CCDC171: variants seen among roughly 807,000 people sequenced by gnomAD.
CCDC171 encodes the protein coiled-coil domain containing 171.
Under a neutral mutation model 168.2 loss-of-function variants are expected in CCDC171, and 177 were observed. The observed-to-expected ratio is 1.05, with a 90% CI of 0.93 to 1.19. The LOEUF (loss-of-function observed/expected upper bound fraction) is 1.19, where lower values mean the gene tolerates loss of function less well. Among genes scored for constraint, CCDC171 ranks in the 50% most tolerant of loss-of-function variants. The pLI is 0.00. For synonymous variants in CCDC171, 687 were observed against 540.8 expected (o/e 1.27, Z -3.75); for missense variants, 1,991 against 1,539.0 (o/e 1.29, Z -4.91).
intron 21 of CCDC171, among the ~76,000 whole-genome samples, chr9:15,789,843 C>T (rs896449972): frequency 5.3e-5 from 8 of 149,636 alleles, no homozygotes; most frequent in Admixed American, 4.7e-4. Flanking sequence ...CGAATGAGAA[C>T]ATGCGGTGTT....
chr9:16,068,098 C>G, the CCDC171 span, among the ~76,000 whole-genome samples: 1 of 149,130 alleles, frequency 6.7e-6, no homozygotes, highest in South Asian at 2.2e-4. Flanking sequence ...TGATAAGCAA[C>G]TTCAGCAAAG....
In CCDC171 at chr9:15,876,924, C is replaced by T. The variant is rs939922779; in HGVS notation, c.3600+2261C>T. 2.0e-5 allele frequency among the ~76,000 whole-genome samples: 3 copies of T among 152,014 alleles called. No individual in the cohort carries two copies. The South Asian group carries it at 6.2e-4, about 32-fold the overall frequency. The stretch of plus-strand genomic sequence containing the variant: ...GGTGTGGTGGTATATGAACCATTTG[C>T]CCAACTTACTCAGCTGTCATTTACA... On this transcript the variant is annotated intron_variant, in intron 24 of 25. Transcript: ENST00000380701.
At chr9:15,969,723 C>T (rs1831157601) in intron 25 of CCDC171, among the ~76,000 whole-genome samples, 1 of 152,188 alleles carries the variant, frequency 6.6e-6, no homozygotes, top group South Asian at 2.1e-4. Context: ...CCACCATTTC[C>T]TGCTCTTCCA....
At chr9:16,100,319 C>G in the CCDC171 span, among the ~76,000 whole-genome samples, 1 of 152,158 alleles carries the variant, frequency 6.6e-6, no homozygotes, top group East Asian at 1.9e-4. Context: ...TTGATTTCAT[C>G]CGAGTAAAAA....
In CCDC171 at chr9:15,821,485, A is replaced by G. The variant is rs2059768048; in HGVS notation, c.3268-25217A>G. Among the ~76,000 whole-genome samples, 2 of 117,986 alleles carry G rather than the reference A, an allele frequency of 1.7e-5. 1 individual carries two copies. Among genetic ancestry groups the G allele is most frequent in the African/African-American group, 6.4e-5 (2 of 31,392 alleles). 77.4% of individuals were successfully genotyped at this position (117,986 alleles called of 152,430 possible). On this transcript the variant is annotated intron_variant, in intron 21 of 25. Transcript: ENST00000380701. ...CCTTGAGCTGATAAGCAACTTCAGC[A>G]AAGTCTCAGGATACAAAATCAATGT... is the stretch of plus-strand genomic sequence containing the variant.
intron 25 of CCDC171, among the ~76,000 whole-genome samples, chr9:15,926,062 C>A (rs1266985228): frequency 7.6e-6 from 1 of 131,082 alleles, no homozygotes; most frequent in East Asian, 3.2e-4. Context: ...CAAAAATAGG[C>A]ATATAAAAAA....
chr9:15,619,534 G>A (rs1487680173), intron 6 of CCDC171, among the ~76,000 whole-genome samples: 1 of 152,202 alleles, frequency 6.6e-6, no homozygotes, highest in Non-Finnish European at 1.5e-5. Flanking sequence ...TGAGAGAGGT[G>A]AGGAATTTGG....
At chr9:15,639,903 T>C (rs1048098616) in intron 7 of CCDC171, among the ~76,000 whole-genome samples, 16 of 152,178 alleles carry the variant, frequency 1.1e-4, no homozygotes, top group Non-Finnish European at 2.2e-4. Context: ...GAATATCCTT[T>C]AGCGACAAAT....
chr9:15,723,513 C>A, intron 12 of CCDC171, 168 bp from the exon 13 acceptor site: 1 of 563,500 alleles, frequency 1.8e-6, no homozygotes, highest in South Asian at 2.4e-5. Context: ...AGCATTTAAC[C>A]AAAAGAAATA....
chr9:15,804,157 A>G (rs2058964265), intron 21 of CCDC171, among the ~76,000 whole-genome samples: 1 of 152,126 alleles, frequency 6.6e-6, no homozygotes. Context: ...TTCTAGGTAT[A>G]GAATTATGTC....
At chr9:15,632,789 A>T (rs544908807) in intron 7 of CCDC171, among the ~76,000 whole-genome samples, 1 of 152,260 alleles carries the variant, frequency 6.6e-6, no homozygotes, top group Admixed American at 6.5e-5. Flanking sequence ...AGGCTACAGT[A>T]ACCAAAACAG....
intron 21 of CCDC171, among the ~76,000 whole-genome samples, chr9:15,789,241 A>T (rs1394326902): frequency 6.6e-6 from 1 of 152,120 alleles, no homozygotes; most frequent in Non-Finnish European, 1.5e-5. Flanking sequence ...CAGATTTGGG[A>T]TGCTCAACCA....
rs1350040785 is a variant in CCDC171 at position 15,821,460 on chromosome 9, C to T, written c.3268-25242C>T. Reference sequence around the variant, plus strand: ...ACCCCATCGTCTCAGCCCAAAATCTCCTTGAGCTGATAAGCAACTTCAGCA... The same window carrying T: ...ACCCCATCGTCTCAGCCCAAAATCTTCTTGAGCTGATAAGCAACTTCAGCA... On this transcript the variant is annotated intron_variant, in intron 21 of 25. Coordinates refer to ENST00000380701, the MANE Select transcript of CCDC171 (RefSeq NM_173550.4). Among the ~76,000 whole-genome samples, 146 of 117,388 alleles carry T rather than the reference C, an allele frequency of 1.2e-3. 47 individuals are homozygous for T. Among genetic ancestry groups the T allele is most frequent in the African/African-American group, 4.2e-3 (133 of 31,312 alleles). 77.0% of individuals were successfully genotyped at this position (117,388 alleles called of 152,430 possible).
At chr9:15,812,451 A>C (rs2059396881) in intron 21 of CCDC171, among the ~76,000 whole-genome samples, 1 of 152,082 alleles carries the variant, frequency 6.6e-6, no homozygotes, top group South Asian at 2.1e-4. Flanking sequence ...TGTGCTAAAA[A>C]CCCCACAAGT....
intron 6 of CCDC171, among the ~76,000 whole-genome samples, chr9:15,598,126 G>A (rs1336206408): frequency 6.6e-6 from 1 of 151,910 alleles, no homozygotes; most frequent in East Asian, 1.9e-4. Context: ...TTTTTTGAAG[G>A]GTTTTTTGTG....
chr9:16,065,614 G>A (rs75998486), downstream of CCDC171, among the ~76,000 whole-genome samples: 3,501 of 152,304 alleles, frequency 0.023, 130 homozygotes, highest in African/African-American at 0.072. Context: ...GTTTGAGGCA[G>A]AGGATTAGAC....
At chr9:15,564,719 A>G (rs1303009368) in intron 2 of CCDC171, among the ~76,000 whole-genome samples, 1 of 152,230 alleles carries the variant, frequency 6.6e-6, no homozygotes, top group Admixed American at 6.5e-5. Flanking sequence ...ACTGGACCAC[A>G]TAGGGCAGTG....
Position 15,793,998 on chromosome 9 carries a change from G to C in CCDC171, c.3267+9304G>C, listed in dbSNP as rs185076654. On this transcript the variant is annotated intron_variant, in intron 21 of 25. Transcript: ENST00000380701. ...AGGTTTTTTTTTCTCCTGCTTTACT[G>C]TACTGGCTAGGATACAGTGTTGGGT... Among the ~76,000 whole-genome samples the C allele has an allele frequency of 1.8e-3, 250 of 139,186 alleles. 1 individual carries two copies. Among genetic ancestry groups the C allele is most frequent in the African/African-American group, 5.8e-3 (213 of 36,906 alleles). The allele number at this position is 139,186 out of a possible 152,430, so 91.3% of individuals were successfully genotyped here.
intron 18 of CCDC171, among the ~76,000 whole-genome samples, chr9:15,746,261 A>G (rs1221999478): frequency 6.6e-6 from 1 of 152,232 alleles, no homozygotes; most frequent in Non-Finnish European, 1.5e-5. Context: ...AAATTGTGTA[A>G]TGGACTTAAG....
Sources: gnomAD v4.1 joint callset for allele counts (sites outside exome capture counted in the v4.1 genomes callset) on GRCh38, gnomAD v4.1.1 for gene constraint, MANE v1.5 for transcripts, NCBI Gene and HGNC (gene_info 2026-07-23, HGNC 2026-07-21) for gene names.